The following ZNF277 variants were observed in gnomAD, a reference collection of about 807,000 sequenced individuals.
ZNF277 encodes zinc finger protein 277.
A neutral mutation model predicts 60.7 loss-of-function variants in ZNF277; 55 were observed. That is an observed-to-expected ratio of 0.91 (90% CI 0.73 to 1.13). The LOEUF is 1.13. Among genes scored for constraint, ZNF277 ranks in the 50% most tolerant of loss-of-function variants. The pLI is 0.00. For missense variants in ZNF277, 510 were observed against 523.0 expected (o/e 0.98, Z 0.24); for synonymous variants, 178 against 179.3 (o/e 0.99, Z 0.06).
intron 1 of ZNF277, among the ~76,000 whole-genome samples, chr7:112,226,890 A>G (rs982435529): frequency 2.0e-5 from 3 of 152,202 alleles, no homozygotes; most frequent in Admixed American, 6.5e-5. Flanking sequence ...GACAGCTTCA[A>G]AATGATTCAT....
intron 1 of ZNF277, among the ~76,000 whole-genome samples, chr7:112,224,970 C>G (rs1472204408): frequency 6.6e-6 from 1 of 152,074 alleles, no homozygotes; most frequent in East Asian, 1.9e-4. Flanking sequence ...TGGCTAGAAC[C>G]TGTCTCTAAA....
chr7:112,272,492 GTTTC>G (rs1482404799), intron 1 of ZNF277, among the ~76,000 whole-genome samples: 1 of 152,006 alleles, frequency 6.6e-6, no homozygotes, highest in Non-Finnish European at 1.5e-5. Flanking sequence ...TTGTTTGTTT[GTTTC>G]TTTGTTTATT....
intron 1 of ZNF277, among the ~76,000 whole-genome samples, chr7:112,238,990 A>G (rs1790874835): frequency 6.6e-6 from 1 of 152,066 alleles, no homozygotes; most frequent in African/African-American, 2.4e-5. Context: ...CAGTCTAAGC[A>G]GGATTCATCA....
chr7:112,327,320 G>A (rs754565072), intron 5 of ZNF277, among the ~76,000 whole-genome samples: 41 of 152,118 alleles, frequency 2.7e-4, no homozygotes, highest in Non-Finnish European at 2.5e-4. Flanking sequence ...AAGGGTTCGC[G>A]CTCCTATGAG....
intron 7 of ZNF277, chr7:112,330,474 A>G: frequency 2.2e-6 from 1 of 457,326 alleles, no homozygotes; most frequent in Non-Finnish European, 3.8e-6. Flanking sequence ...AAAAAAAAAA[A>G]TACAGCATTT....
intron 4 of ZNF277, among the ~76,000 whole-genome samples, chr7:112,300,986 G>T (rs1792458871): frequency 6.6e-6 from 1 of 151,828 alleles, no homozygotes; most frequent in Non-Finnish European, 1.5e-5. Flanking sequence ...ACTGCCTCCA[G>T]AATTTTAATA....
intron 1 of ZNF277, among the ~76,000 whole-genome samples, chr7:112,208,800 C>G (rs1418541483): frequency 6.6e-6 from 1 of 150,780 alleles, no homozygotes; most frequent in Non-Finnish European, 1.5e-5. Flanking sequence ...CCTGCCTCAG[C>G]CTCCCGAGTA....
intron 1 of ZNF277, among the ~76,000 whole-genome samples, chr7:112,247,739 G>C (rs1283607990): frequency 6.6e-6 from 1 of 152,056 alleles, no homozygotes; most frequent in Non-Finnish European, 1.5e-5. Context: ...AAGTGGAGGT[G>C]GGTGGATCAC....
At chr7:112,306,351 G>A (rs1036986605) in intron 4 of ZNF277, among the ~76,000 whole-genome samples, 3 of 151,592 alleles carry the variant, frequency 2.0e-5, no homozygotes, top group Non-Finnish European at 4.4e-5. Context: ...AGTAGCTGGG[G>A]TTACAGGCAT....
At chr7:112,330,657 T>C (rs1793209800) in intron 7 of ZNF277, among the ~76,000 whole-genome samples, 1 of 149,952 alleles carries the variant, frequency 6.7e-6, no homozygotes, top group Non-Finnish European at 1.5e-5. Context: ...CTCTGCCTCC[T>C]GGTATCAAGC....
intron 7 of ZNF277, among the ~76,000 whole-genome samples, chr7:112,333,285 C>G (rs1014258070): frequency 6.6e-6 from 1 of 152,006 alleles, no homozygotes; most frequent in African/African-American, 2.4e-5. Context: ...TGACATCATA[C>G]ATTCTGCATA....
chr7:112,326,742 G>T (rs568344787), intron 5 of ZNF277, among the ~76,000 whole-genome samples: 2 of 151,222 alleles, frequency 1.3e-5, no homozygotes, highest in Admixed American at 6.6e-5. Context: ...CATTTTTTTG[G>T]GGGGGGACCA....
intron 1 of ZNF277, among the ~76,000 whole-genome samples, chr7:112,234,683 G>T (rs987038177): frequency 6.6e-6 from 1 of 152,112 alleles, no homozygotes; most frequent in East Asian, 1.9e-4. Flanking sequence ...CAAAGTTTTT[G>T]ATGTATGTCT....
intron 4 of ZNF277, among the ~76,000 whole-genome samples, chr7:112,313,160 A>T (rs1792769152): frequency 6.6e-6 from 1 of 152,120 alleles, no homozygotes; most frequent in Non-Finnish European, 1.5e-5. Flanking sequence ...CATTTTCCTT[A>T]GCTGTTGGGC....
chr7:112,301,125 C>T (rs988076712), intron 4 of ZNF277, among the ~76,000 whole-genome samples: 5 of 151,948 alleles, frequency 3.3e-5, no homozygotes, highest in African/African-American at 1.2e-4. Context: ...CTCTGTCGCC[C>T]AGGCTGGAGT....
At chr7:112,300,420 C>A (rs1250664854) in intron 4 of ZNF277, among the ~76,000 whole-genome samples, 2 of 152,118 alleles carry the variant, frequency 1.3e-5, no homozygotes, top group Non-Finnish European at 2.9e-5. Flanking sequence ...GTGCATCATC[C>A]TCTTATTTCT....
intron 4 of ZNF277, among the ~76,000 whole-genome samples, chr7:112,312,619 G>A (rs149373168): frequency 5.9e-5 from 9 of 152,180 alleles, no homozygotes; most frequent in Non-Finnish European, 1.3e-4. Context: ...TGAAGAGAGA[G>A]AAAGAAACAG....
intron 4 of ZNF277, among the ~76,000 whole-genome samples, chr7:112,304,907 T>A (rs1295352551): frequency 6.6e-6 from 1 of 152,154 alleles, no homozygotes; most frequent in Non-Finnish European, 1.5e-5. Flanking sequence ...ATTCAGACTT[T>A]TTACCAAGAT....
chr7:112,236,592 T>C (rs1034698538), intron 1 of ZNF277, among the ~76,000 whole-genome samples: 1 of 152,136 alleles, frequency 6.6e-6, no homozygotes, highest in Admixed American at 6.5e-5. Flanking sequence ...GTTGTACAAT[T>C]CACAGTAAGT....
Sources: allele counts gnomAD v4.1 joint callset (sites outside exome capture counted in the v4.1 genomes callset), GRCh38; gene constraint gnomAD v4.1.1; transcripts MANE v1.5; gene names NCBI Gene and HGNC (gene_info 2026-07-23, HGNC 2026-07-21).